The following NR2F1-AS1 variants were observed in gnomAD, a reference collection of about 807,000 sequenced individuals.
The protein encoded by NR2F1-AS1 is NR2F1 regulatory antisense RNA 1.
At chr5:93,565,767 T>C (rs1177245432) in intron 1 of NR2F1-AS1, among the ~76,000 whole-genome samples, 2 of 151,860 alleles carry the variant, frequency 1.3e-5, no homozygotes, top group African/African-American at 4.8e-5. Context: ...ATTCTCCTGC[T>C]GAGTTTAAAA....
At position 93,425,065 on chromosome 5, in the gene NR2F1-AS1, A is replaced by T. The variant is rs116416770; in HGVS notation, n.639-29523T>A. Among the ~76,000 whole-genome samples, 1,519 of 152,312 alleles carry T rather than the reference A, an allele frequency of 1.0e-2. 27 individuals are homozygous for T. Among genetic ancestry groups the T allele is most frequent in the African/African-American group, 0.035 (1,462 of 41,556 alleles). On this transcript the variant is annotated intron_variant and non_coding_transcript_variant, in intron 4 of 5. Transcript: ENST00000660523. Reference sequence around the variant, plus strand: ...TGTATCAGCTTTGCTGAAAAACAAAACACCCTAAATTTACTAGCTAAAACA... The same window carrying T: ...TGTATCAGCTTTGCTGAAAAACAAATCACCCTAAATTTACTAGCTAAAACA...
chr5:93,414,084 C>T (rs1333650472), intron 4 of NR2F1-AS1, among the ~76,000 whole-genome samples: 1 of 152,148 alleles, frequency 6.6e-6, no homozygotes, highest in East Asian at 1.9e-4. Context: ...ATTCATGATA[C>T]TTCACATATT....
At chr5:93,529,598 AT>A (rs1447108147) in intron 4 of NR2F1-AS1, among the ~76,000 whole-genome samples, 1 of 152,152 alleles carries the variant, frequency 6.6e-6, no homozygotes, top group African/African-American at 2.4e-5. Context: ...ATGGTGCCTC[AT>A]TTTTAATAAA....
intron 4 of NR2F1-AS1, among the ~76,000 whole-genome samples, chr5:93,454,867 A>G (rs1749912913): frequency 6.6e-6 from 1 of 152,196 alleles, no homozygotes; most frequent in Admixed American, 6.5e-5. Context: ...CTGAGAGGCC[A>G]TGGAAGCTCT....
chr5:93,523,758 G>T (rs1442377582), intron 4 of NR2F1-AS1, among the ~76,000 whole-genome samples: 1 of 152,216 alleles, frequency 6.6e-6, no homozygotes, highest in Non-Finnish European at 1.5e-5. Flanking sequence ...CTGTAGCAGA[G>T]AAGCCTGACT....
At chr5:93,462,781 T>G (rs1353200809) in intron 4 of NR2F1-AS1, among the ~76,000 whole-genome samples, 1 of 152,196 alleles carries the variant, frequency 6.6e-6, no homozygotes, top group Admixed American at 6.5e-5. Context: ...TGGTGGCATT[T>G]AGCCACTGCC....
chr5:93,413,063 GGTGTGTGTGTGTGTGTGTGT>G (rs71613591), intron 4 of NR2F1-AS1, among the ~76,000 whole-genome samples: 4 of 139,278 alleles, frequency 2.9e-5, no homozygotes, highest in East Asian at 4.3e-4. Flanking sequence ...ATAGCACTAT[GGTGTGTGTGTGTGTGTGTGT>G]GTGTGTGTGT....
At chr5:93,469,404 A>C (rs1482356440) in intron 4 of NR2F1-AS1, among the ~76,000 whole-genome samples, 1 of 152,134 alleles carries the variant, frequency 6.6e-6, no homozygotes, top group Non-Finnish European at 1.5e-5. Flanking sequence ...TGGGACCACC[A>C]TCCTCTATGT....
At chr5:93,438,062 A>G (rs1054848221) in intron 4 of NR2F1-AS1, among the ~76,000 whole-genome samples, 3 of 152,180 alleles carry the variant, frequency 2.0e-5, no homozygotes, top group African/African-American at 7.2e-5. Context: ...CCTCCAGGAC[A>G]ATGATTTTGG....
chr5:93,524,615 G>T (rs1014134446), intron 4 of NR2F1-AS1, among the ~76,000 whole-genome samples: 4 of 152,078 alleles, frequency 2.6e-5, no homozygotes, highest in Non-Finnish European at 4.4e-5. Flanking sequence ...CAGTAAGGTC[G>T]GGTCACCTAT....
At chr5:93,569,504 C>T (rs866217835) in intron 1 of NR2F1-AS1, among the ~76,000 whole-genome samples, 15 of 152,314 alleles carry the variant, frequency 9.8e-5, no homozygotes, top group South Asian at 2.1e-4. Flanking sequence ...AAATGGAGCG[C>T]TGGTGGTGCT....
chr5:93,506,224 C>T (rs1751182810), intron 4 of NR2F1-AS1, among the ~76,000 whole-genome samples: 1 of 152,218 alleles, frequency 6.6e-6, no homozygotes, highest in African/African-American at 2.4e-5. Context: ...AGTACCTCAT[C>T]TCCATCTGAG....
chr5:93,500,424 T>G (rs1751054531), intron 4 of NR2F1-AS1, among the ~76,000 whole-genome samples: 1 of 152,098 alleles, frequency 6.6e-6, no homozygotes. Flanking sequence ...TACTGCATGT[T>G]TTACTGAATA....
At chr5:93,530,994 T>C (rs1203972072) in intron 4 of NR2F1-AS1, among the ~76,000 whole-genome samples, 1 of 152,208 alleles carries the variant, frequency 6.6e-6, no homozygotes, top group Non-Finnish European at 1.5e-5. Flanking sequence ...CCAAACTTTT[T>C]AGATGTATTA....
intron 1 of NR2F1-AS1, among the ~76,000 whole-genome samples, chr5:93,578,168 G>T (rs952948665): frequency 6.6e-6 from 1 of 152,192 alleles, no homozygotes; most frequent in African/African-American, 2.4e-5. Context: ...GGATTCTGGG[G>T]CCTGGAACGC....
intron 4 of NR2F1-AS1, among the ~76,000 whole-genome samples, chr5:93,477,561 AAATT>A (rs1750511593): frequency 6.6e-6 from 1 of 152,300 alleles, no homozygotes; most frequent in African/African-American, 2.4e-5. Flanking sequence ...ATTTTCACCA[AAATT>A]CATATTTAAT....
upstream of NR2F1-AS1, chr5:93,584,925 C>CCCCCCTTCCCCTT (rs1554074572): frequency 6.9e-6 from 1 of 144,026 alleles, no homozygotes. Context: ...CCCTCCCCCT[C>CCCCCCTTCCCCTT]CCCCCTTCCC....
chr5:93,431,794 C>A lies in NR2F1-AS1; in HGVS notation n.639-36252G>T, dbSNP rs1749331537. The stretch of plus-strand genomic sequence containing the variant: ...ACATGTTACCAGTGCTCTTCACTTA[C>A]TTAAAGTATCTCTCAAAAATAAAAT... On this transcript the variant is annotated intron_variant and non_coding_transcript_variant, in intron 4 of 5. Transcript: ENST00000660523. 2.0e-5 allele frequency among the ~76,000 whole-genome samples: 3 copies of A among 152,190 alleles called. No individual in the cohort carries two copies. In the South Asian group the frequency reaches 6.2e-4, roughly 32 times the overall value.
At chr5:93,509,283 C>A (rs1561475096) in intron 4 of NR2F1-AS1, among the ~76,000 whole-genome samples, 1 of 152,014 alleles carries the variant, frequency 6.6e-6, no homozygotes, top group Non-Finnish European at 1.5e-5. Context: ...ATAGTATACA[C>A]CAGAACTCTC....
Sources: gnomAD v4.1 joint callset for allele counts (sites outside exome capture counted in the v4.1 genomes callset) on GRCh38, gnomAD v4.1.1 for gene constraint, MANE v1.5 for transcripts, NCBI Gene and HGNC (gene_info 2026-07-23, HGNC 2026-07-21) for gene names.